Variants in MRPS9 observed in about 807,000 individuals in gnomAD.
MRPS9 encodes the protein mitochondrial ribosomal protein S9.
In MRPS9, 45 loss-of-function variants were observed where a neutral mutation model predicts 59.9. That is an observed-to-expected ratio of 0.75 (90% CI 0.59 to 0.96). MRPS9 has a LOEUF of 0.96. MRPS9 is among the 40% of genes least tolerant of loss of function. MRPS9 has a pLI of 0.00. For synonymous variants in MRPS9, 171 were observed against 166.8 expected (o/e 1.03, Z -0.19); for missense variants, 473 against 481.1 (o/e 0.98, Z 0.16).
chr2:105,087,834 T>TCC (rs1558762112), intron 5 of MRPS9, among the ~76,000 whole-genome samples: 3 of 150,596 alleles, frequency 2.0e-5, no homozygotes, highest in Admixed American at 6.6e-5. Flanking sequence ...CTTCCTTCCT[T>TCC]TGATTCCTCA....
intron 2 of MRPS9, among the ~76,000 whole-genome samples, chr2:105,070,414 A>T (rs1680091531): frequency 6.6e-6 from 1 of 152,208 alleles, no homozygotes; most frequent in South Asian, 2.1e-4. Flanking sequence ...TTGGTGGCAG[A>T]GTCTGATCCA....
chr2:105,071,816 CT>C (rs35540689), intron 4 of MRPS9, among the ~76,000 whole-genome samples: 267 of 152,232 alleles, frequency 1.8e-3, no homozygotes, highest in Non-Finnish European at 3.2e-4. Flanking sequence ...AAATTTAAAA[CT>C]TTTCTTGATT....
intron 4 of MRPS9, among the ~76,000 whole-genome samples, chr2:105,075,624 C>G (rs918657148): frequency 2.6e-5 from 4 of 152,074 alleles, no homozygotes; most frequent in Non-Finnish European, 5.9e-5. Context: ...AAAAAGAAAG[C>G]TATAGTCTGT....
chr2:105,069,214 CTTTTTT>C (rs11334093), intron 2 of MRPS9, among the ~76,000 whole-genome samples: 1 of 117,708 alleles, frequency 8.5e-6, no homozygotes. Flanking sequence ...ATTGGTCAAT[CTTTTTT>C]TTTTTTTTTT....
intron 4 of MRPS9, among the ~76,000 whole-genome samples, chr2:105,071,702 G>A (rs1680119310): frequency 6.6e-6 from 1 of 152,136 alleles, no homozygotes; most frequent in African/African-American, 2.4e-5. Flanking sequence ...TTAGAGCTTA[G>A]GACTATACCA....
chr2:105,097,020 A>T, intron 9 of MRPS9, 135 bp from the exon 10 acceptor site: 2 of 823,928 alleles, frequency 2.4e-6, no homozygotes, highest in Non-Finnish European at 3.4e-6. Flanking sequence ...GGTAAAATGG[A>T]TTGATTGAGA....
intron 2 of MRPS9, among the ~76,000 whole-genome samples, chr2:105,058,279 G>A (rs942909186): frequency 1.3e-5 from 2 of 152,158 alleles, no homozygotes; most frequent in African/African-American, 4.8e-5. Flanking sequence ...TCACTTGCTG[G>A]TAATTTATAA....
chr2:105,060,503 A>G (rs964741890), intron 2 of MRPS9, among the ~76,000 whole-genome samples: 1 of 152,000 alleles, frequency 6.6e-6, no homozygotes, highest in African/African-American at 2.4e-5. Flanking sequence ...CTGGTCTTGA[A>G]CACTTGACCT....
At chr2:105,077,187 G>T (rs1680228938) in intron 4 of MRPS9, among the ~76,000 whole-genome samples, 1 of 147,636 alleles carries the variant, frequency 6.8e-6, no homozygotes, top group African/African-American at 2.5e-5. Context: ...GGAGGTTGCA[G>T]TGAGCCAAGA....
At chr2:105,057,279 T>G (rs1004531369) in intron 2 of MRPS9, among the ~76,000 whole-genome samples, 7 of 152,210 alleles carry the variant, frequency 4.6e-5, no homozygotes, top group African/African-American at 1.7e-4. Flanking sequence ...TGAAAGTACT[T>G]TAAATGCAGG....
At chr2:105,050,150 T>C (rs113901962) in intron 2 of MRPS9, among the ~76,000 whole-genome samples, 4 of 151,756 alleles carry the variant, frequency 2.6e-5, no homozygotes, top group African/African-American at 9.7e-5. Flanking sequence ...TTTTCTTTTC[T>C]TTTTTTTGAG....
intron 7 of MRPS9, among the ~76,000 whole-genome samples, chr2:105,090,877 T>G (rs185036894): frequency 8.5e-5 from 13 of 152,342 alleles, no homozygotes; most frequent in African/African-American, 2.9e-4. Context: ...TCTCATTTAA[T>G]GTATTATAGA....
intron 2 of MRPS9, among the ~76,000 whole-genome samples, chr2:105,061,167 A>C (rs1319217576): frequency 6.6e-6 from 1 of 151,862 alleles, no homozygotes; most frequent in Non-Finnish European, 1.5e-5. Flanking sequence ...GGCTTGAGCA[A>C]ATGCCTTTCT....
chr2:105,070,656 G>A (rs1212171634), intron 2 of MRPS9, among the ~76,000 whole-genome samples: 3 of 152,144 alleles, frequency 2.0e-5, no homozygotes, highest in Non-Finnish European at 2.9e-5. Flanking sequence ...TCCCTAGGAC[G>A]TAGGGGCATT....
chr2:105,065,347 C>A (rs1158371131), intron 2 of MRPS9, among the ~76,000 whole-genome samples: 2 of 152,112 alleles, frequency 1.3e-5, no homozygotes, highest in Non-Finnish European at 2.9e-5. Context: ...TCTGGCTTTG[C>A]CATTTACTTC....
Position 105,038,098 on chromosome 2 carries a change from G to T in MRPS9, c.6G>T (p.Ala2=). 6.2e-7 allele frequency: 1 copy of T among 1,613,758 alleles called. No homozygotes were observed. The highest frequency in any genetic ancestry group is 8.5e-7 in the Non-Finnish European group (1 of 1,179,988). Residue 2 remains alanine, a synonymous_variant, in exon 1 of 11, where the codon GCG becomes GCT. Coordinates refer to ENST00000258455, the MANE Select transcript of MRPS9 (RefSeq NM_182640.3). ...CTGGAGCTCCCACAGCTAACATGGC[G>T]GCGCCCTGTGTGTCCTACGGCGGAG... M[A]APCVSYGGAV... is the part of the protein sequence containing the mutation.
intron 4 of MRPS9, among the ~76,000 whole-genome samples, chr2:105,074,655 CG>C (rs1456231986): frequency 6.6e-6 from 1 of 152,168 alleles, no homozygotes; most frequent in Admixed American, 6.5e-5. Flanking sequence ...TTACCAAGGA[CG>C]TAACAGCCAG....
intron 1 of MRPS9, among the ~76,000 whole-genome samples, chr2:105,042,045 G>C (rs1462184717): frequency 6.6e-6 from 1 of 152,124 alleles, no homozygotes; most frequent in Non-Finnish European, 1.5e-5. Flanking sequence ...GATGATGAAC[G>C]TATCAGTTAT....
chr2:105,088,540 G>A (rs1021334160), intron 5 of MRPS9, among the ~76,000 whole-genome samples: 1 of 152,044 alleles, frequency 6.6e-6, no homozygotes, highest in Non-Finnish European at 1.5e-5. Flanking sequence ...TAAGTAGTAA[G>A]TCGTATTAAA....
Sources: allele counts gnomAD v4.1 joint callset (sites outside exome capture counted in the v4.1 genomes callset), GRCh38; gene constraint gnomAD v4.1.1; transcripts MANE v1.5; gene names NCBI Gene and HGNC (gene_info 2026-07-23, HGNC 2026-07-21).